Variants in RNF130 observed in about 807,000 individuals in gnomAD.
RNF130 encodes E3 ubiquitin-protein ligase RNF130.
Under a neutral mutation model 44.6 loss-of-function variants are expected in RNF130, and 21 were observed. The observed-to-expected ratio is 0.47, with a 90% CI of 0.33 to 0.68. The LOEUF is 0.68. Ranked by LOEUF, RNF130 falls within the 30% of genes least tolerant of loss-of-function variation. The pLI is 0.02. For missense variants in RNF130, 479 were observed against 560.6 expected, an observed-to-expected ratio of 0.85 and a Z score of 1.47; for synonymous variants, 214 against 210.4, an observed-to-expected ratio of 1.02 and a Z score of -0.15.
At chr5:179,970,542 T>C (rs375222316) in intron 5 of RNF130, 36 bp from the exon 6 acceptor site, 1 of 1,524,576 alleles carries the variant, frequency 6.6e-7, no homozygotes, top group Non-Finnish European at 9.0e-7. Context: ...ACAAGTTACA[T>C]ACCAAGAAAC....
chr5:180,040,765 C>T, intron 1 of RNF130, 118 bp from the exon 2 acceptor site: 1 of 848,140 alleles, frequency 1.2e-6, no homozygotes, highest in Non-Finnish European at 1.8e-6. Context: ...CAGCTCGCTG[C>T]CAGCAGAGCT....
chr5:180,028,196 A>C (rs1764036223), intron 2 of RNF130, among the ~76,000 whole-genome samples: 8 of 152,160 alleles, frequency 5.3e-5, no homozygotes, highest in Admixed American at 5.2e-4. Flanking sequence ...TGTTTCCTCA[A>C]GGCATTCCTC....
chr5:180,004,344 C>T (rs1231633547), intron 3 of RNF130, among the ~76,000 whole-genome samples: 2 of 152,180 alleles, frequency 1.3e-5, no homozygotes, highest in South Asian at 4.1e-4. Context: ...TACACCTCAT[C>T]ACACACAGAA....
At chr5:179,970,382 G>C (rs774268510) in intron 6 of RNF130, 28 bp downstream of exon 6, 5 of 1,517,866 alleles carry the variant, frequency 3.3e-6, no homozygotes, top group Non-Finnish European at 9.1e-7. Flanking sequence ...ATATACAAAA[G>C]TGGTAACAAA....
intron 7 of RNF130, among the ~76,000 whole-genome samples, chr5:179,939,040 C>G (rs1173789523): frequency 2.6e-5 from 4 of 152,056 alleles, no homozygotes; most frequent in Non-Finnish European, 5.9e-5. Context: ...ACCAGCCTGG[C>G]CAACATGGTG....
At chr5:180,057,607 G>A (rs1764863994) in intron 1 of RNF130, among the ~76,000 whole-genome samples, 1 of 151,986 alleles carries the variant, frequency 6.6e-6, no homozygotes, top group Non-Finnish European at 1.5e-5. Context: ...TAAACAACAG[G>A]GTTCAGGTAG....
chr5:179,978,369 G>A, intron 4 of RNF130, 84 bp from the exon 5 acceptor site: 2 of 888,908 alleles, frequency 2.2e-6, no homozygotes, highest in Non-Finnish European at 3.8e-6. Context: ...GAATCTTTCT[G>A]TGGCTACTAT....
At chr5:180,047,327 A>G (rs1018560352) in intron 1 of RNF130, among the ~76,000 whole-genome samples, 1 of 152,118 alleles carries the variant, frequency 6.6e-6, no homozygotes, top group African/African-American at 2.4e-5. Flanking sequence ...ACTTAGGTGG[A>G]GCTTTCATTC....
At chr5:179,986,590 A>G (rs542297174) in intron 3 of RNF130, among the ~76,000 whole-genome samples, 1 of 152,378 alleles carries the variant, frequency 6.6e-6, no homozygotes, top group Non-Finnish European at 1.5e-5. Context: ...ACTGGTGATC[A>G]CAATAGCAAC....
At chr5:179,920,498 C>T (rs1761613282) in intron 7 of RNF130, 1 of 672,362 alleles carries the variant, frequency 1.5e-6, no homozygotes, top group South Asian at 1.5e-5. Flanking sequence ...TAGGAGGAAA[C>T]AATGCAGATT....
intron 2 of RNF130, among the ~76,000 whole-genome samples, chr5:180,024,467 C>T (rs1198199427): frequency 1.3e-5 from 2 of 151,868 alleles, no homozygotes; most frequent in African/African-American, 4.8e-5. Context: ...TTTAAAGACT[C>T]ATTATATAAA....
intron 3 of RNF130, among the ~76,000 whole-genome samples, chr5:179,992,043 C>T (rs931325034): frequency 2.7e-4 from 41 of 152,278 alleles, no homozygotes; most frequent in Admixed American, 1.4e-3. Context: ...ACTGTAAATA[C>T]AAATGAAGCT....
exon 8 of RNF130, chr5:179,916,160 C>A (rs924380083): frequency 1.3e-5 from 2 of 152,176 alleles, no homozygotes; most frequent in Non-Finnish European, 2.9e-5. Context: ...AACGTCACCT[C>A]GTTTTCCTAT....
intron 8 of RNF130, among the ~76,000 whole-genome samples, chr5:179,957,781 C>A (rs1478571668): frequency 2.6e-5 from 4 of 152,228 alleles, no homozygotes; most frequent in African/African-American, 9.6e-5. Flanking sequence ...TCCAGCAATA[C>A]ACCTCAAACA....
At chr5:179,943,731 T>G (rs1278847813) in intron 7 of RNF130, among the ~76,000 whole-genome samples, 11 of 152,206 alleles carry the variant, frequency 7.2e-5, no homozygotes, top group African/African-American at 2.4e-4. Flanking sequence ...CTTTCAGCCT[T>G]ATATTCTCAT....
chr5:180,071,517 C>T lies in RNF130; in HGVS notation c.186G>A (p.Gly62=), dbSNP rs755550389. ...LTFRIDRGRY[G]LDSPKAEVRG... ...GGACCTCGGCCTTGGGGGAGTCAAG[C>T]CCGTAGCGCCCGCGGTCGATGCGAA... The change falls in exon 1 of 9, where the codon GGG becomes GGA. Residue 62 remains glycine, a synonymous_variant. Transcript: ENST00000521389. The T allele has an allele frequency of 3.7e-6, 5 of 1,355,292 alleles. No homozygotes were observed. The South Asian group carries it at 1.0e-4, about 27-fold the overall frequency. 84.0% of individuals were successfully genotyped at this position (1,355,292 alleles called of 1,614,324 possible).
At chr5:180,069,240 GATT>G (rs2113197826) in intron 1 of RNF130, among the ~76,000 whole-genome samples, 1 of 152,314 alleles carries the variant, frequency 6.6e-6, no homozygotes, top group South Asian at 2.1e-4. Flanking sequence ...CATAGAGACG[GATT>G]TTTTTAAATC....
At chr5:179,971,414 G>T (rs922445932) in intron 5 of RNF130, among the ~76,000 whole-genome samples, 3 of 152,192 alleles carry the variant, frequency 2.0e-5, no homozygotes, top group African/African-American at 7.2e-5. Context: ...CTGTCGCCCA[G>T]GCTGAAGTGC....
intron 6 of RNF130, among the ~76,000 whole-genome samples, chr5:179,968,231 C>T (rs76952307): frequency 1.3e-5 from 2 of 151,598 alleles, no homozygotes; most frequent in South Asian, 4.2e-4. Context: ...GGAGGCGGAG[C>T]TTGCGGTGAG....
Sources: gnomAD v4.1 joint callset for allele counts (sites outside exome capture counted in the v4.1 genomes callset) on GRCh38, gnomAD v4.1.1 for gene constraint, MANE v1.5 for transcripts, NCBI Gene and HGNC (gene_info 2026-07-23, HGNC 2026-07-21) for gene names.